ERAL1: variants seen among roughly 807,000 people sequenced by gnomAD.
ERAL1 encodes Era like 12S mitochondrial rRNA chaperone 1, also known as GTPase Era, mitochondrial.
In ERAL1, 36 loss-of-function variants were observed where a neutral mutation model predicts 53.6. That is an observed-to-expected ratio of 0.67 (90% CI 0.51 to 0.89). ERAL1 has a LOEUF of 0.89. Among genes scored for constraint, ERAL1 ranks in the 40% least tolerant of loss-of-function variants. The pLI, the probability that ERAL1 is intolerant of heterozygous loss-of-function variation, is 0.00. For synonymous variants in ERAL1, 215 were observed against 211.8 expected (o/e 1.02, Z -0.13); for missense variants, 512 against 537.5 (o/e 0.95, Z 0.47).
Position 28,859,080 on chromosome 17 carries a change from C to T in ERAL1, c.1077C>T (p.His359=). The T allele has an allele frequency of 6.2e-7, 1 of 1,614,164 alleles. No individual in the cohort carries two copies. Among genetic ancestry groups the T allele is most frequent in the Non-Finnish European group, 8.5e-7 (1 of 1,180,032 alleles). The change falls in exon 8 of 10, where the codon CAC becomes CAT. Residue 359 remains histidine (H), a synonymous_variant. Transcript: ENST00000254928. ...ANIIREKLLE[H]LPQEVPYNVQ... ...TTATCCGAGAGAAGCTCCTAGAACA[C>T]CTGCCCCAGGAGGTGCCTTACAATG...
rs778423686 is a variant in ERAL1, at chr17:28,858,453, C to T, written c.678C>T (p.Tyr226=). The T allele has an allele frequency of 9.5e-5, 153 of 1,614,036 alleles. 2 individuals are homozygous for T. In the South Asian group the frequency reaches 1.7e-3, roughly 17 times the overall value. Residue 226 remains tyrosine, a synonymous_variant, in exon 6 of 10, where the codon TAC becomes TAT. Coordinates refer to ENST00000254928, the MANE Select transcript of ERAL1 (RefSeq NM_005702.4). ...SPQLLRCLTK[Y]SQIPSVLVMN... is the part of the protein sequence containing the mutation. Reference sequence around the variant, plus strand: ...AGTTGCTCAGGTGCTTGACCAAGTACTCCCAGATCCCTAGTGTCCTGGTCA... The same window carrying T: ...AGTTGCTCAGGTGCTTGACCAAGTATTCCCAGATCCCTAGTGTCCTGGTCA...
chr17:28,855,202 C>T lies in ERAL1; in HGVS notation c.168C>T (p.Arg56=). 6.2e-7 allele frequency: 1 copy of T among 1,614,254 alleles called. No homozygotes were observed. Among genetic ancestry groups the T allele is most frequent in the South Asian group, 1.1e-5 (1 of 91,086 alleles). ...CVAGSAFSGP[R]LASASRSNGQ... Reference sequence around the variant, plus strand: ...CGGGGTCCGCTTTCTCTGGTCCCCGCTTGGCCTCGGCTTCTCGCAGTAATG... The same window carrying T: ...CGGGGTCCGCTTTCTCTGGTCCCCGTTTGGCCTCGGCTTCTCGCAGTAATG... The change falls in exon 1 of 10, where the codon CGC becomes CGT. Residue 56 remains arginine, a synonymous_variant. Coordinates refer to ENST00000254928, the MANE Select transcript of ERAL1 (RefSeq NM_005702.4).
intron 3 of ERAL1, 50 bp downstream of exon 3, chr17:28,856,632 A>G: frequency 6.6e-7 from 1 of 1,523,150 alleles, no homozygotes; most frequent in Non-Finnish European, 9.1e-7. Context: ...GGTGAAGCTA[A>G]GAGGGTCTCC....
chr17:28,856,502 C>T lies in ERAL1; in HGVS notation c.412-3C>T, dbSNP rs373627452. The T allele has an allele frequency of 6.8e-5, 110 of 1,613,540 alleles. No homozygotes were observed. The highest frequency in any genetic ancestry group is 8.7e-5 in the Non-Finnish European group (103 of 1,179,766). On this transcript the variant is annotated splice_polypyrimidine_tract_variant and splice_region_variant and intron_variant, in intron 2 of 9. Coordinates refer to ENST00000254928, the MANE Select transcript of ERAL1 (RefSeq NM_005702.4). ...CTCACTGAGACTCCTTTGTTCCTGG[C>T]AGGTGTTCCCTGTTTCCAGGAAGGT...
intron 9 of ERAL1, 29 bp from the exon 10 acceptor site, chr17:28,860,402 T>G (rs2152643048): frequency 6.2e-7 from 1 of 1,609,808 alleles, no homozygotes; most frequent in Non-Finnish European, 8.5e-7. Flanking sequence ...CCATCATTCC[T>G]GGCTTCCTTC....
chr17:28,860,359 A>G, intron 9 of ERAL1, 72 bp from the exon 10 acceptor site: 1 of 1,568,890 alleles, frequency 6.4e-7, no homozygotes, highest in Non-Finnish European at 8.7e-7. Flanking sequence ...TTCTCACCTT[A>G]GCCCCCCAAG....
chr17:28,858,399 C>A lies in ERAL1; in HGVS notation c.624C>A (p.Asp208Glu). Residue 208 changes from aspartate to glutamate, a missense_variant, in exon 6 of 10, where the codon GAC (aspartate) becomes GAA (glutamate). By Grantham distance (45) the Asp-to-Glu change is conservative. Transcript: ENST00000254928. Reference protein sequence around the residue: ...DLVVVLVDVSDKWTRNQLSPQ... With the variant: ...DLVVVLVDVSEKWTRNQLSPQ... Reference sequence around the variant, plus strand: ...TTGTGGTTCTTGTGGATGTCTCAGACAAGTGGACACGGAACCAGCTCAGCC... The same window carrying A: ...TTGTGGTTCTTGTGGATGTCTCAGAAAAGTGGACACGGAACCAGCTCAGCC... 3.7e-6 allele frequency: 6 copies of A among 1,614,130 alleles called. No individual in the cohort carries two copies. The highest frequency in any genetic ancestry group is 3.3e-5 in the South Asian group (3 of 91,072).
Position 28,856,345 on chromosome 17 carries a change from C to T in ERAL1, c.365C>T (p.Pro122Leu), listed in dbSNP as rs542874968. 12 of 1,614,094 alleles carry T rather than the reference C, an allele frequency of 7.4e-6. No individual in the cohort carries two copies. Among genetic ancestry groups the T allele is most frequent in the East Asian group, 2.2e-5 (1 of 44,884 alleles). Residue 122 changes from proline (P) to leucine (L), a missense_variant, in exon 2 of 10, where the codon CCG (proline) becomes CTG (leucine). Pro to Leu is a moderately conservative substitution (Grantham distance 98). Transcript: ENST00000254928. Reference protein sequence around the residue: ...RVLRVVLLGAPNAGKSTLSNQ... With the variant: ...RVLRVVLLGALNAGKSTLSNQ... The stretch of plus-strand genomic sequence containing the variant: ...CTACGAGTGGTCCTCCTGGGAGCCC[C>T]GAATGCAGGGAAGTCAACACTCTCC...
intron 5 of ERAL1, 80 bp from the exon 6 acceptor site, chr17:28,858,294 T>C: frequency 6.2e-7 from 1 of 1,608,220 alleles, no homozygotes; most frequent in Non-Finnish European, 8.5e-7. Context: ...AAAGCCAAGC[T>C]CATACCATGG....
At chr17:28,856,152 A>C (rs911380555) in intron 1 of ERAL1, 112 bp from the exon 2 acceptor site, 24 of 1,351,678 alleles carry the variant, frequency 1.8e-5, no homozygotes, top group Non-Finnish European at 1.8e-5. Flanking sequence ...GGTGACTTCA[A>C]CCTGGTGCAC....
chr17:28,858,629 T>G lies in ERAL1; in HGVS notation c.765T>G (p.Thr255=). The G allele has an allele frequency of 6.2e-7, 1 of 1,614,204 alleles. No individual in the cohort carries two copies. Among genetic ancestry groups the G allele is most frequent in the Non-Finnish European group, 8.5e-7 (1 of 1,180,040 alleles). The part of the protein sequence containing the change: ...SVLLELTAAL[T]EGVVNGKKLK... ...TCCTGGAGCTCACGGCAGCCCTCAC[T>G]GAAGGTGTGGTCAATGGCAAAAAGC... Residue 255 remains threonine, a synonymous_variant, in exon 7 of 10, where the codon ACT becomes ACG. Coordinates refer to ENST00000254928, the MANE Select transcript of ERAL1 (RefSeq NM_005702.4).
At position 28,858,623 on chromosome 17, in the gene ERAL1, C is replaced by T; in HGVS notation, c.759C>T (p.Ala253=). The T allele has an allele frequency of 6.2e-7, 1 of 1,614,166 alleles. No individual in the cohort carries two copies. Among genetic ancestry groups the T allele is most frequent in the Non-Finnish European group, 8.5e-7 (1 of 1,180,018 alleles). Residue 253 remains alanine, a synonymous_variant, in exon 7 of 10, where the codon GCC becomes GCT. Coordinates refer to ENST00000254928, the MANE Select transcript of ERAL1 (RefSeq NM_005702.4). Reference sequence around the variant, plus strand: ...CAGTTCTCCTGGAGCTCACGGCAGCCCTCACTGAAGGTGTGGTCAATGGCA... The same window carrying T: ...CAGTTCTCCTGGAGCTCACGGCAGCTCTCACTGAAGGTGTGGTCAATGGCA... ...QKSVLLELTA[A]LTEGVVNGKK... is the part of the protein sequence containing the mutation.
chr17:28,860,495 T>C lies in ERAL1; in HGVS notation c.1256T>C (p.Leu419Pro). ...ATAGCACAGGAGGCAGGCCATGACC[T>C]CATGGACATCTTCCTCTGCGATGTT... ...SQIAQEAGHD[L>P]MDIFLCDVDI... The change falls in exon 10 of 10, where the codon CTC becomes CCC. Residue 419 changes from leucine to proline, a missense_variant. Coordinates refer to ENST00000254928, the MANE Select transcript of ERAL1 (RefSeq NM_005702.4). 1.2e-6 allele frequency: 2 copies of C among 1,608,356 alleles called. No homozygotes were observed. The highest frequency in any genetic ancestry group is 1.7e-5 in the Admixed American group (1 of 58,898).
chr17:28,859,355 C>A, intron 9 of ERAL1, 72 bp downstream of exon 9: 1 of 1,429,990 alleles, frequency 7.0e-7, no homozygotes, highest in Non-Finnish European at 9.8e-7. Flanking sequence ...GCTTGGAGCC[C>A]TGAGAGCAGG....
At position 28,855,328 on chromosome 17, in the gene ERAL1, C is replaced by T; in HGVS notation, c.283+11C>T. The T allele has an allele frequency of 1.3e-6, 2 of 1,561,640 alleles. No individual in the cohort carries two copies. The highest frequency in any genetic ancestry group is 1.7e-6 in the Non-Finnish European group (2 of 1,152,894). On this transcript the variant is annotated intron_variant, in intron 1 of 9. Coordinates refer to ENST00000254928, the MANE Select transcript of ERAL1 (RefSeq NM_005702.4). ...TGTCCATGAACAGAGGTAAAGCGCCCTGATAGGTTTGCTCGGAACTGTCAT... is the reference window on the plus strand; with the variant it reads ...TGTCCATGAACAGAGGTAAAGCGCCTTGATAGGTTTGCTCGGAACTGTCAT...
In ERAL1 at chr17:28,859,041, G is replaced by T. The variant is rs771659077; in HGVS notation, c.1038G>T (p.Glu346Asp). 5.0e-6 allele frequency: 8 copies of T among 1,614,242 alleles called. 1 individual carries two copies. The Admixed American group carries it at 1.0e-4, about 20-fold the overall frequency. ...TCCTCACTAGCCAGACACCAGAAGA[G>T]ATCTGTGCCAACATTATCCGAGAGA... ...SAVLTSQTPE[E>D]ICANIIREKL... Residue 346 changes from glutamate to aspartate, a missense_variant, in exon 8 of 10, where the codon GAG (glutamate) becomes GAT (aspartate). Physicochemically the swap from Glu to Asp is conservative, Grantham distance 45. Coordinates refer to ENST00000254928, the MANE Select transcript of ERAL1 (RefSeq NM_005702.4).
Position 28,858,017 on chromosome 17 carries a change from G to A in ERAL1, c.536+32G>A, listed in dbSNP as rs769227873. The A allele has an allele frequency of 5.0e-6, 8 of 1,614,038 alleles. No individual in the cohort carries two copies. The South Asian group carries it at 7.7e-5, about 16-fold the overall frequency. On this transcript the variant is annotated intron_variant, in intron 4 of 9. Transcript: ENST00000254928. ...GTGGTGGAATTGGGGTGGATTGGCG[G>A]GGAGGTACTGAAAGAGGGTGGGGAG...
In ERAL1 at chr17:28,860,701, C is replaced by T; in HGVS notation, c.*148C>T. Reference sequence around the variant, plus strand: ...AGCTGGCCTGGCCCTGTTGAGTCTGCACAGTCCCTGCCCAGCTGTGTCTTC... The same window carrying T: ...AGCTGGCCTGGCCCTGTTGAGTCTGTACAGTCCCTGCCCAGCTGTGTCTTC... On this transcript the variant is annotated 3_prime_UTR_variant, in exon 10 of 10. Transcript: ENST00000254928. 1 of 954,282 alleles carries T rather than the reference C, an allele frequency of 1.0e-6. No homozygotes were observed. The highest frequency in any genetic ancestry group is 1.5e-6 in the Non-Finnish European group (1 of 677,808). 59.1% of individuals were successfully genotyped at this position (954,282 alleles called of 1,614,324 possible).
chr17:28,858,476 T>C lies in ERAL1; in HGVS notation c.701T>C (p.Val234Ala), dbSNP rs201253201. The change falls in exon 6 of 10, where the codon GTC becomes GCC. Residue 234 changes from valine (V) to alanine (A), a missense_variant. Physicochemically the swap from Val to Ala is moderately conservative, Grantham distance 64. Transcript: ENST00000254928. ...TKYSQIPSVL[V>A]MNKVDCLKQK... ...TACTCCCAGATCCCTAGTGTCCTGG[T>C]CATGAACAAGGTGAGCACTACCCAC... 1.9e-6 allele frequency: 3 copies of C among 1,614,086 alleles called. No homozygotes were observed. The South Asian group carries it at 3.3e-5, about 18-fold the overall frequency.
Sources: allele counts gnomAD v4.1 joint callset, GRCh38; gene constraint gnomAD v4.1.1; transcripts MANE v1.5; gene names NCBI Gene and HGNC (gene_info 2026-07-23, HGNC 2026-07-21).